CCDC33: variants seen among roughly 807,000 people sequenced by gnomAD.
CCDC33 encodes coiled-coil domain containing 33.
A neutral mutation model predicts 91.9 loss-of-function variants in CCDC33; 94 were observed. The ratio of observed to expected loss-of-function variants is 1.02; its 90% CI spans 0.87 to 1.21. CCDC33 has a LOEUF of 1.21. Ranked by LOEUF, CCDC33 falls within the 50% of genes most tolerant of loss-of-function variation. CCDC33 has a pLI of 0.00. For missense variants in CCDC33, 940 were observed against 935.5 expected, an observed-to-expected ratio of 1.00 and a Z score of -0.06; for synonymous variants, 396 against 374.5, an observed-to-expected ratio of 1.06 and a Z score of -0.66.
chr15:74,335,082 A>G lies in CCDC33; in HGVS notation c.2133A>G (p.Glu711=), dbSNP rs771481443. The G allele has an allele frequency of 6.2e-7, 1 of 1,613,074 alleles. No individual in the cohort carries two copies. Among genetic ancestry groups the G allele is most frequent in the Non-Finnish European group, 8.5e-7 (1 of 1,179,068 alleles). Residue 711 remains glutamate (E), a synonymous_variant, in exon 18 of 19, where the codon GAA becomes GAG. Coordinates refer to ENST00000398814, the MANE Select transcript of CCDC33 (RefSeq NM_025055.5). ...FRHPSNSIII[E]QPSALTHSMD... Reference sequence around the variant, plus strand: ...ACCCCTCGAACTCCATCATCATAGAACAGCCTGTGAGTGACCCCCCTGGAG... The same window carrying G: ...ACCCCTCGAACTCCATCATCATAGAGCAGCCTGTGAGTGACCCCCCTGGAG...
chr15:74,247,026 T>C (rs529504091), intron 2 of CCDC33, among the ~76,000 whole-genome samples: 17 of 151,920 alleles, frequency 1.1e-4, no homozygotes, highest in Middle Eastern at 3.4e-3. Flanking sequence ...GCACCTGTAA[T>C]CCTAGCTACT....
intron 5 of CCDC33, 33 bp downstream of exon 5, chr15:74,268,491 G>GT (rs760734139): frequency 2.0e-6 from 3 of 1,479,052 alleles, no homozygotes; most frequent in African/African-American, 1.4e-5. Context: ...GGGTGGTGGT[G>GT]GGGGTGGGAA....
chr15:74,309,303 G>A (rs377392799), intron 11 of CCDC33, among the ~76,000 whole-genome samples: 1 of 152,160 alleles, frequency 6.6e-6, no homozygotes, highest in South Asian at 2.1e-4. Flanking sequence ...CTCCAGGCCT[G>A]TGTTCCCGGC....
intron 2 of CCDC33, among the ~76,000 whole-genome samples, chr15:74,222,581 A>AG (rs2142158012): frequency 6.7e-6 from 1 of 148,352 alleles, no homozygotes; most frequent in East Asian, 2.0e-4. Flanking sequence ...TTTTCCCCCA[A>AG]GGGGAAAAAA....
chr15:74,243,722 C>T (rs1258909252), intron 1 of CCDC33: 3 of 509,922 alleles, frequency 5.9e-6, no homozygotes, highest in Non-Finnish European at 1.1e-5. Context: ...TCTGGGAGGC[C>T]GAGGCAGGCA....
chr15:74,207,559 A>T, intron 1 of CCDC33: 1 of 803,350 alleles, frequency 1.2e-6, no homozygotes, highest in South Asian at 1.7e-5. Context: ...CTCCCATCTC[A>T]GCCCTTGACT....
chr15:74,297,772 G>A (rs2059716672), intron 11 of CCDC33, among the ~76,000 whole-genome samples: 1 of 152,182 alleles, frequency 6.6e-6, no homozygotes, highest in African/African-American at 2.4e-5. Context: ...AAAGGCACAT[G>A]GGAAGGGAAG....
chr15:74,319,534 A>C (rs2060163648), intron 11 of CCDC33: 1 of 152,474 alleles, frequency 6.6e-6, no homozygotes, highest in Middle Eastern at 3.1e-3. Context: ...GCTGAGAGCA[A>C]GGGCTGGCCC....
Position 74,330,365 on chromosome 15 carries a change from G to T in CCDC33, c.1456+11G>T, listed in dbSNP as rs1429546267. 2 of 1,573,228 alleles carry T rather than the reference G, an allele frequency of 1.3e-6. No homozygotes were observed. The highest frequency in any genetic ancestry group is 1.7e-6 in the Non-Finnish European group (2 of 1,158,990). ...AGGCCCAGAACACGGGTGAGGATGT[G>T]CAGGCCACCAAGGGCACCCGGGCTT... is the stretch of plus-strand genomic sequence containing the variant. On this transcript the variant is annotated intron_variant, in intron 12 of 18. Coordinates refer to ENST00000398814, the MANE Select transcript of CCDC33 (RefSeq NM_025055.5).
At chr15:74,330,125 T>C (rs975307031) in intron 11 of CCDC33, 64 bp from the exon 12 acceptor site, 2 of 1,507,032 alleles carry the variant, frequency 1.3e-6, no homozygotes, top group East Asian at 2.3e-5. Flanking sequence ...CAAGTGTAGA[T>C]GTGGATGTGG....
chr15:74,248,461 G>A (rs1283258746), intron 2 of CCDC33, among the ~76,000 whole-genome samples: 1 of 152,050 alleles, frequency 6.6e-6, no homozygotes, highest in Non-Finnish European at 1.5e-5. Context: ...CTGAGGTTGG[G>A]GATGGATATC....
intron 2 of CCDC33, among the ~76,000 whole-genome samples, chr15:74,245,416 G>C: frequency 6.6e-6 from 1 of 152,372 alleles, no homozygotes; most frequent in Non-Finnish European, 1.5e-5. Context: ...CATTTCCGTG[G>C]TGAGGGAAGC....
In CCDC33 at chr15:74,236,676, C is replaced by A; in HGVS notation, c.-44C>A. On this transcript the variant is annotated 5_prime_UTR_variant, in exon 1 of 19. Coordinates refer to ENST00000398814, the MANE Select transcript of CCDC33 (RefSeq NM_025055.5). ...CACCCACTGATACCAAGTACTCATC[C>A]CCAAGATTGTTAAACAAGGCCAGAC... 2.5e-6 allele frequency: 4 copies of A among 1,606,980 alleles called. No individual in the cohort carries two copies. Among genetic ancestry groups the A allele is most frequent in the Non-Finnish European group, 3.4e-6 (4 of 1,174,962 alleles).
chr15:74,246,662 G>A (rs2075539480), intron 2 of CCDC33, among the ~76,000 whole-genome samples: 2 of 152,188 alleles, frequency 1.3e-5, no homozygotes, highest in Admixed American at 6.5e-5. Flanking sequence ...AAAAACACAA[G>A]AGATAAGTGT....
At position 74,330,264 on chromosome 15, in the gene CCDC33, C is replaced by T. The variant is rs757221290; in HGVS notation, c.1366C>T (p.Leu456=). 17 of 1,612,816 alleles carry T rather than the reference C, an allele frequency of 1.1e-5. No homozygotes were observed. The highest frequency in any genetic ancestry group is 8.5e-7 in the Non-Finnish European group (1 of 1,179,884). ...GTCTCTGCGGAGACAGGCCAGCATC[C>T]TGGAAGGAGAGAACCGCATACTGAG... ...ILSLRRQASI[L]EGENRILRSR... is the part of the protein sequence containing the mutation. Residue 456 remains leucine, a synonymous_variant, in exon 12 of 19, where the codon CTG becomes TTG. Coordinates refer to ENST00000398814, the MANE Select transcript of CCDC33 (RefSeq NM_025055.5).
intron 2 of CCDC33, among the ~76,000 whole-genome samples, chr15:74,249,896 C>T (rs556184502): frequency 2.6e-4 from 39 of 152,264 alleles, no homozygotes; most frequent in Non-Finnish European, 4.7e-4. Context: ...AGCCCTTTCT[C>T]CCCCTCCAAG....
chr15:74,229,709 A>G (rs1057323364), intron 2 of CCDC33, among the ~76,000 whole-genome samples: 1 of 152,252 alleles, frequency 6.6e-6, no homozygotes, highest in Non-Finnish European at 1.5e-5. Context: ...GGGAGCAGGC[A>G]TCACTGTCCC....
At chr15:74,279,070 C>T (rs2076522648) in intron 7 of CCDC33, among the ~76,000 whole-genome samples, 1 of 152,218 alleles carries the variant, frequency 6.6e-6, no homozygotes, top group African/African-American at 2.4e-5. Context: ...AGATACAACA[C>T]TTTAGGAAAA....
At chr15:74,235,368 G>A (rs968608186), upstream of CCDC33, among the ~76,000 whole-genome samples, 2 of 152,196 alleles carry the variant, frequency 1.3e-5, no homozygotes, top group African/African-American at 4.8e-5. Flanking sequence ...GAGGCTGGGA[G>A]GCCTCTGCAA....
Sources: allele counts gnomAD v4.1 joint callset (sites outside exome capture counted in the v4.1 genomes callset), GRCh38; gene constraint gnomAD v4.1.1; transcripts MANE v1.5; gene names NCBI Gene and HGNC (gene_info 2026-07-23, HGNC 2026-07-21).